CSMD1: variants seen among roughly 807,000 people sequenced by gnomAD.
CSMD1 encodes CUB and sushi domain-containing protein 1.
A neutral mutation model predicts 417.5 loss-of-function variants in CSMD1; 213 were observed. That is an observed-to-expected ratio of 0.51 (90% CI 0.46 to 0.57). CSMD1 has a LOEUF of 0.57. Ranked by LOEUF, CSMD1 falls within the 20% of genes least tolerant of loss-of-function variation. The probability of loss-of-function intolerance (pLI) is 0.00; values close to 1 mark genes in which losing one functional copy is unlikely to be tolerated. For synonymous variants in CSMD1, 2,862 were observed against 1,736.8 expected (o/e 1.65, Z -16.11); for missense variants, 6,923 against 4,529.7 (o/e 1.53, Z -15.17).
intron 4 of CSMD1, among the ~76,000 whole-genome samples, chr8:4,009,570 T>A (rs1157058841): frequency 6.6e-6 from 1 of 152,238 alleles, no homozygotes; most frequent in Non-Finnish European, 1.5e-5. Context: ...GGTTATACAG[T>A]TGGATGTGTA....
intron 15 of CSMD1, among the ~76,000 whole-genome samples, chr8:3,404,879 T>C (rs1380405711): frequency 3.3e-5 from 5 of 152,212 alleles, no homozygotes; most frequent in African/African-American, 1.2e-4. Context: ...TAATCAGTCC[T>C]CTGCTGTTTG....
intron 1 of CSMD1, among the ~76,000 whole-genome samples, chr8:4,860,548 G>A (rs964506631): frequency 8.6e-5 from 13 of 151,950 alleles, no homozygotes; most frequent in Non-Finnish European, 1.2e-4. Context: ...GCAGATGCTC[G>A]TGCCATGCTT....
intron 1 of CSMD1, among the ~76,000 whole-genome samples, chr8:4,707,925 A>G (rs1584975241): frequency 5.3e-5 from 5 of 93,658 alleles, no homozygotes; most frequent in Non-Finnish European, 8.4e-5. Flanking sequence ...AAAAAAAAAA[A>G]AAAAGAGGGG....
At chr8:4,420,110 T>G (rs548100724) in intron 2 of CSMD1, 45 bp from the exon 3 acceptor site, 2 of 1,421,070 alleles carry the variant, frequency 1.4e-6, no homozygotes, top group Non-Finnish European at 1.9e-6. Flanking sequence ...AAGCATGAAT[T>G]TGTCAAAAAA....
chr8:3,811,781 G>A (rs1801102843), intron 5 of CSMD1, among the ~76,000 whole-genome samples: 1 of 152,058 alleles, frequency 6.6e-6, no homozygotes, highest in African/African-American at 2.4e-5. Context: ...TGAGAGATGA[G>A]GAGAATCAGT....
chr8:4,253,135 G>A (rs1277234553), intron 3 of CSMD1, among the ~76,000 whole-genome samples: 1 of 152,278 alleles, frequency 6.6e-6, no homozygotes, highest in African/African-American at 2.4e-5. Context: ...TATTGAATGA[G>A]TATTTTCTAA....
intron 2 of CSMD1, among the ~76,000 whole-genome samples, chr8:4,591,550 G>C (rs947386175): frequency 6.6e-6 from 1 of 152,164 alleles, no homozygotes; most frequent in Non-Finnish European, 1.5e-5. Flanking sequence ...GACACAGAGA[G>C]GACTGTAGTG....
intron 41 of CSMD1, among the ~76,000 whole-genome samples, chr8:3,141,985 G>C (rs943691792): frequency 3.9e-5 from 6 of 152,024 alleles, no homozygotes; most frequent in Non-Finnish European, 8.8e-5. Flanking sequence ...TTTTAGTAGA[G>C]ACGGGGTTTC....
At chr8:3,331,783 G>A (rs182924650) in intron 23 of CSMD1, among the ~76,000 whole-genome samples, 11 of 152,272 alleles carry the variant, frequency 7.2e-5, no homozygotes, top group East Asian at 3.9e-4. Context: ...TAAAGTTACC[G>A]TGTGAATGAT....
intron 36 of CSMD1, chr8:3,182,895 TGTATTGTTAGTAGAGAAGGG>T (rs1194782017): frequency 9.0e-4 from 127 of 141,706 alleles, no homozygotes; most frequent in African/African-American, 3.5e-3. Context: ...TGTGTGTGTG[TGTATTGTTAGTAGAGAAGGG>T]GTTGTTAGTA....
chr8:3,037,005 C>T (rs568991438), intron 50 of CSMD1, among the ~76,000 whole-genome samples: 3 of 152,122 alleles, frequency 2.0e-5, no homozygotes, highest in Admixed American at 6.5e-5. Flanking sequence ...CCCCAGAGTC[C>T]ACTGTATCAT....
At chr8:3,956,727 G>T (rs542034932) in intron 5 of CSMD1, among the ~76,000 whole-genome samples, 3 of 152,212 alleles carry the variant, frequency 2.0e-5, no homozygotes, top group East Asian at 1.9e-4. Flanking sequence ...AGGAAGTTCA[G>T]TTGGGCTGAA....
intron 4 of CSMD1, among the ~76,000 whole-genome samples, chr8:4,027,146 C>G (rs1585159048): frequency 6.6e-6 from 1 of 152,180 alleles, no homozygotes; most frequent in Non-Finnish European, 1.5e-5. Context: ...GGTACACTAC[C>G]AGGTGGAATT....
chr8:4,057,238 G>C (rs1334568965), intron 3 of CSMD1, among the ~76,000 whole-genome samples: 4 of 152,196 alleles, frequency 2.6e-5, no homozygotes, highest in Non-Finnish European at 5.9e-5. Context: ...ACTGGTGTGA[G>C]ATGGTATCTC....
At chr8:3,534,514 ATT>A (rs1433438282) in intron 10 of CSMD1, among the ~76,000 whole-genome samples, 1 of 144,560 alleles carries the variant, frequency 6.9e-6, no homozygotes, top group African/African-American at 2.7e-5. Flanking sequence ...GGCTTTCTCA[ATT>A]ACAAAAAAAA....
intron 5 of CSMD1, among the ~76,000 whole-genome samples, chr8:3,774,422 T>G (rs1006343641): frequency 6.6e-6 from 1 of 152,136 alleles, no homozygotes; most frequent in African/African-American, 2.4e-5. Context: ...TCAGCCTGCT[T>G]TCCACCATGA....
chr8:4,337,347 G>C (rs1455110391), intron 3 of CSMD1, among the ~76,000 whole-genome samples: 1 of 152,002 alleles, frequency 6.6e-6, no homozygotes, highest in African/African-American at 2.4e-5. Context: ...AACCGACATT[G>C]TTGCAAACTT....
At chr8:4,116,027 G>C (rs557248736) in intron 3 of CSMD1, among the ~76,000 whole-genome samples, 1 of 150,384 alleles carries the variant, frequency 6.6e-6, no homozygotes, top group Non-Finnish European at 1.5e-5. Flanking sequence ...TGGAGAGGGA[G>C]TCTCACTCTG....
At chr8:3,363,086 C>A (rs1054231580) in intron 20 of CSMD1, among the ~76,000 whole-genome samples, 1 of 152,184 alleles carries the variant, frequency 6.6e-6, no homozygotes, top group African/African-American at 2.4e-5. Context: ...GGCCACAGTG[C>A]CCCTCTGCTT....
Sources: allele counts gnomAD v4.1 joint callset (sites outside exome capture counted in the v4.1 genomes callset), GRCh38; gene constraint gnomAD v4.1.1; transcripts MANE v1.5; gene names NCBI Gene and HGNC (gene_info 2026-07-23, HGNC 2026-07-21).